The following MARCHF4 variants were observed in gnomAD, a reference collection of about 807,000 sequenced individuals.
The protein encoded by MARCHF4 is E3 ubiquitin-protein ligase MARCHF4.
A neutral mutation model predicts 43.9 loss-of-function variants in MARCHF4; 14 were observed. The observed-to-expected ratio is 0.32, with a 90% CI of 0.21 to 0.50. The LOEUF (loss-of-function observed/expected upper bound fraction) is 0.50, where lower values mean the gene tolerates loss of function less well. MARCHF4 is among the 20% of genes least tolerant of loss of function. The probability of loss-of-function intolerance (pLI) is 0.98; values close to 1 mark genes in which losing one functional copy is unlikely to be tolerated. For synonymous variants in MARCHF4, 226 were observed against 213.3 expected (o/e 1.06, Z -0.52); for missense variants, 468 against 536.7 (o/e 0.87, Z 1.27).
chr2:216,307,495 T>C (rs926325418), intron 1 of MARCHF4, among the ~76,000 whole-genome samples: 3 of 151,998 alleles, frequency 2.0e-5, no homozygotes, highest in Middle Eastern at 3.4e-3. Context: ...AAGGGGTAAC[T>C]GGTGGGAGGG....
At chr2:216,343,841 C>T (rs1287716539) in intron 1 of MARCHF4, among the ~76,000 whole-genome samples, 2 of 152,096 alleles carry the variant, frequency 1.3e-5, no homozygotes, top group Non-Finnish European at 2.9e-5. Context: ...CTTTGTGAAA[C>T]TAGAGGCCAG....
At chr2:216,293,985 C>T (rs1691353496) in intron 1 of MARCHF4, among the ~76,000 whole-genome samples, 1 of 85,184 alleles carries the variant, frequency 1.2e-5, no homozygotes, top group Non-Finnish European at 3.5e-5. Flanking sequence ...TTACCATCAC[C>T]ATTGTTACCA....
intron 1 of MARCHF4, among the ~76,000 whole-genome samples, chr2:216,360,817 AT>A (rs983847126): frequency 6.6e-6 from 1 of 151,656 alleles, no homozygotes; most frequent in Non-Finnish European, 1.5e-5. Flanking sequence ...CCCTGGTGGG[AT>A]TTTTTTTGCT....
chr2:216,272,417 G>A (rs528861902), intron 3 of MARCHF4, among the ~76,000 whole-genome samples: 1 of 152,284 alleles, frequency 6.6e-6, no homozygotes, highest in East Asian at 1.9e-4. Flanking sequence ...ATTGTTACCA[G>A]CAGTTATCAT....
intron 1 of MARCHF4, among the ~76,000 whole-genome samples, chr2:216,348,758 C>T (rs1167893762): frequency 6.6e-6 from 1 of 151,968 alleles, no homozygotes; most frequent in Non-Finnish European, 1.5e-5. Context: ...ATCCAAGAAC[C>T]CTCTTTTGGG....
intron 1 of MARCHF4, among the ~76,000 whole-genome samples, chr2:216,322,830 A>G (rs1347269403): frequency 6.6e-6 from 1 of 152,172 alleles, no homozygotes; most frequent in African/African-American, 2.4e-5. Context: ...GTCTCAAAAA[A>G]AAGAACCGGT....
rs888781898 is a variant in MARCHF4 at position 216,369,666 on chromosome 2, C to T, written c.516+79G>A. The T allele has an allele frequency of 1.0e-5, 12 of 1,201,216 alleles. No individual in the cohort carries two copies. In the African/African-American group the frequency reaches 1.7e-4, roughly 17 times the overall value. The allele number at this position is 1,201,216 out of a possible 1,614,324, so 74.4% of individuals were successfully genotyped here. A position where few individuals can be genotyped will look rare whatever the true frequency, so the allele number is the denominator to read the frequency against. On this transcript the variant is annotated intron_variant, in intron 1 of 3. Coordinates refer to ENST00000273067, the MANE Select transcript of MARCHF4 (RefSeq NM_020814.3). Reference sequence around the variant, plus strand: ...CATACTAAAGACAATATAACCGTTCCCCAGGGCAAGCAGGCGAGTAGCAAT... The same window carrying T: ...CATACTAAAGACAATATAACCGTTCTCCAGGGCAAGCAGGCGAGTAGCAAT...
chr2:216,278,815 G>T (rs1691077631), intron 2 of MARCHF4, among the ~76,000 whole-genome samples: 1 of 152,206 alleles, frequency 6.6e-6, no homozygotes, highest in Non-Finnish European at 1.5e-5. Flanking sequence ...ATGGGTTAAA[G>T]GCTAGGGTGT....
chr2:216,283,562 C>A lies in MARCHF4; in HGVS notation c.672+12G>T. On this transcript the variant is annotated intron_variant, in intron 2 of 3. Coordinates refer to ENST00000273067, the MANE Select transcript of MARCHF4 (RefSeq NM_020814.3). ...AGGCCCAGCAACCCCACCAGGCAGC[C>A]CTGGGTTGTACCTGCAGAGGATTTT... 6.3e-7 allele frequency: 1 copy of A among 1,591,494 alleles called. No homozygotes were observed. Among genetic ancestry groups the A allele is most frequent in the Non-Finnish European group, 8.6e-7 (1 of 1,162,554 alleles).
chr2:216,359,601 A>G (rs954779309), intron 1 of MARCHF4, among the ~76,000 whole-genome samples: 1 of 152,176 alleles, frequency 6.6e-6, no homozygotes, highest in Non-Finnish European at 1.5e-5. Context: ...CTTCAGTCGC[A>G]TTTGCAGTCT....
At chr2:216,313,170 G>A (rs1288363183) in intron 1 of MARCHF4, among the ~76,000 whole-genome samples, 2 of 152,112 alleles carry the variant, frequency 1.3e-5, no homozygotes, top group Non-Finnish European at 1.5e-5. Context: ...TGTCAAGTTT[G>A]TGAAAGGTCA....
intron 1 of MARCHF4, among the ~76,000 whole-genome samples, chr2:216,350,588 T>C (rs1175214585): frequency 6.6e-6 from 1 of 152,010 alleles, no homozygotes; most frequent in Non-Finnish European, 1.5e-5. Context: ...CCAGACCACC[T>C]TGTTTGACAG....
chr2:216,335,551 T>C (rs554282669), intron 1 of MARCHF4, among the ~76,000 whole-genome samples: 1 of 152,314 alleles, frequency 6.6e-6, no homozygotes, highest in Admixed American at 6.5e-5. Context: ...CAATACCATC[T>C]AATATGAAAT....
At chr2:216,286,858 A>T (rs1691226386) in intron 1 of MARCHF4, among the ~76,000 whole-genome samples, 1 of 152,218 alleles carries the variant, frequency 6.6e-6, no homozygotes, top group Non-Finnish European at 1.5e-5. Flanking sequence ...TTCAAGCTAA[A>T]CTTAGGAAGA....
chr2:216,299,564 C>A (rs1455821067), intron 1 of MARCHF4, among the ~76,000 whole-genome samples: 1 of 152,158 alleles, frequency 6.6e-6, no homozygotes, highest in Non-Finnish European at 1.5e-5. Flanking sequence ...CTTAATCTAA[C>A]CTGTATTTTC....
intron 1 of MARCHF4, among the ~76,000 whole-genome samples, chr2:216,301,571 T>G (rs1323524314): frequency 6.6e-6 from 1 of 152,232 alleles, no homozygotes; most frequent in East Asian, 1.9e-4. Context: ...CAATGTGAAT[T>G]TATTTCACTC....
chr2:216,324,943 T>C (rs1182068676), intron 1 of MARCHF4, among the ~76,000 whole-genome samples: 2 of 150,672 alleles, frequency 1.3e-5, no homozygotes, highest in Non-Finnish European at 2.9e-5. Flanking sequence ...CTATTCAACA[T>C]AGTGTTGGAA....
chr2:216,283,501 T>C, intron 2 of MARCHF4, 73 bp downstream of exon 2: 2 of 1,491,584 alleles, frequency 1.3e-6, no homozygotes, highest in Non-Finnish European at 9.1e-7. Context: ...TAAGGTGAAG[T>C]AAGCCTCCTG....
At position 216,271,505 on chromosome 2, in the gene MARCHF4, C is replaced by T. The variant is rs116839659; in HGVS notation, c.865+6167G>A. Among the ~76,000 whole-genome samples, 259 of 152,176 alleles carry T rather than the reference C, an allele frequency of 1.7e-3. 3 individuals are homozygous for T. Among genetic ancestry groups the T allele is most frequent in the Middle Eastern group, 6.8e-3 (2 of 294 alleles). On this transcript the variant is annotated intron_variant, in intron 3 of 3. Transcript: ENST00000273067. The stretch of plus-strand genomic sequence containing the variant: ...GTGACTTATCTGTAGACTATGAGCT[C>T]CTTGAGGGCAAGGAATTGTGTCTTA...
Sources: gnomAD v4.1 joint callset for allele counts (sites outside exome capture counted in the v4.1 genomes callset) on GRCh38, gnomAD v4.1.1 for gene constraint, MANE v1.5 for transcripts, NCBI Gene and HGNC (gene_info 2026-07-23, HGNC 2026-07-21) for gene names.